NKAIN3: variants seen among roughly 807,000 people sequenced by gnomAD.
NKAIN3 encodes sodium/potassium transporting ATPase interacting 3.
Under a neutral mutation model 30.2 loss-of-function variants are expected in NKAIN3, and 25 were observed. That is an observed-to-expected ratio of 0.83 (90% confidence interval 0.60 to 1.16). The LOEUF (loss-of-function observed/expected upper bound fraction) is 1.16. NKAIN3 is among the 50% of genes most tolerant of loss of function. The pLI, the probability that NKAIN3 is intolerant of heterozygous loss-of-function variation, is 0.00. For synonymous variants in NKAIN3, 91 were observed against 89.6 expected (o/e 1.02, Z -0.09); for missense variants, 225 against 254.1 (o/e 0.89, Z 0.78).
intron 4 of NKAIN3, chr8:62,856,757 A>T: frequency 3.0e-6 from 2 of 674,152 alleles, no homozygotes; most frequent in Non-Finnish European, 5.4e-6. Flanking sequence ...TTTATTTTGC[A>T]CCTGGCTTAT....
At chr8:62,405,839 C>G (rs951801429) in intron 1 of NKAIN3, among the ~76,000 whole-genome samples, 1 of 152,126 alleles carries the variant, frequency 6.6e-6, no homozygotes, top group Non-Finnish European at 1.5e-5. Flanking sequence ...TGCTCTGCCT[C>G]GACATTCAAG....
intron 4 of NKAIN3, among the ~76,000 whole-genome samples, chr8:62,834,637 A>G (rs550583212): frequency 6.6e-6 from 1 of 152,200 alleles, no homozygotes; most frequent in South Asian, 2.1e-4. Flanking sequence ...AAGTGAAAAG[A>G]TCTCTACAAA....
rs866046959 is a variant in NKAIN3, at chr8:62,336,967, G to C, written c.54+87840G>C. On this transcript the variant is annotated intron_variant, in intron 1 of 6. Coordinates refer to ENST00000623646, the MANE Select transcript of NKAIN3 (RefSeq NM_001304533.3). ...GCTCAGTCTGCTAGTACCTGGTCTA[G>C]AGAACCCAAGAAGGCTAACACATTT... Among the ~76,000 whole-genome samples, 28 of 152,102 alleles carry C rather than the reference G, an allele frequency of 1.8e-4. 1 individual carries two copies. The highest frequency in any genetic ancestry group is 6.3e-3 in the Middle Eastern group (2 of 316).
intron 6 of NKAIN3, 60 bp downstream of exon 6, chr8:62,954,032 C>A: frequency 2.0e-6 from 1 of 493,522 alleles, no homozygotes; most frequent in Non-Finnish European, 2.6e-6. Flanking sequence ...CAAAACTAAC[C>A]AAAAGTGAAA....
At chr8:62,577,677 A>G (rs1810160200) in intron 1 of NKAIN3, among the ~76,000 whole-genome samples, 2 of 150,826 alleles carry the variant, frequency 1.3e-5, no homozygotes, top group East Asian at 2.0e-4. Context: ...CCTGGGGACT[A>G]ATTAGAGTCA....
At chr8:62,385,385 G>A (rs921814022) in intron 1 of NKAIN3, among the ~76,000 whole-genome samples, 4 of 152,006 alleles carry the variant, frequency 2.6e-5, no homozygotes, top group African/African-American at 7.3e-5. Context: ...ACTGAAACTC[G>A]GAGAAATGAT....
intron 1 of NKAIN3, among the ~76,000 whole-genome samples, chr8:62,256,454 A>G (rs1812265875): frequency 6.6e-6 from 1 of 152,110 alleles, no homozygotes; most frequent in South Asian, 2.1e-4. Flanking sequence ...AAGTAAATAA[A>G]GTTTTAGAAG....
chr8:62,345,388 TAC>T (rs1241886831), intron 1 of NKAIN3, among the ~76,000 whole-genome samples: 7 of 76,328 alleles, frequency 9.2e-5, no homozygotes, highest in African/African-American at 3.0e-4. Context: ...TATGTATATA[TAC>T]ACACATATAC....
In NKAIN3 at chr8:62,927,723, T is replaced by C. The variant is rs540264929; in HGVS notation, c.532+9210T>C. On this transcript the variant is annotated intron_variant, in intron 5 of 6. Transcript: ENST00000623646. ...CAACTTGTTCAAGCTGCTTTTGGAG[T>C]GATGAGCTGTCATTATGTCCTTAAA... Among the ~76,000 whole-genome samples the C allele has an allele frequency of 1.1e-3, 161 of 152,206 alleles. 1 individual carries two copies. The highest frequency in any genetic ancestry group is 3.6e-3 in the African/African-American group (149 of 41,520).
At chr8:62,648,293 C>A (rs988801604) in intron 3 of NKAIN3, among the ~76,000 whole-genome samples, 1 of 151,848 alleles carries the variant, frequency 6.6e-6, no homozygotes, top group African/African-American at 2.4e-5. Flanking sequence ...TTACAATTGG[C>A]GGTTGAATTT....
At chr8:62,627,263 T>C (rs1811820101) in intron 3 of NKAIN3, among the ~76,000 whole-genome samples, 1 of 152,164 alleles carries the variant, frequency 6.6e-6, no homozygotes, top group Admixed American at 6.6e-5. Flanking sequence ...TCTTTAAATG[T>C]CTTTTTAACA....
In NKAIN3 at chr8:62,983,753, T is replaced by A. The variant is rs1824140884; in HGVS notation, c.*18346T>A. 1 of 152,170 alleles carries A rather than the reference T, an allele frequency of 6.6e-6. No homozygotes were observed. The highest frequency in any genetic ancestry group is 6.5e-5 in the Admixed American group (1 of 15,270). 9.4% of individuals were successfully genotyped at this position (152,170 alleles called of 1,614,324 possible). On this transcript the variant is annotated 3_prime_UTR_variant, in exon 7 of 7. Transcript: ENST00000623646. Reference sequence around the variant, plus strand: ...CCTGACTAACATTTCAGAACTGCGGTCACCCATTTTATACAAACCAAAGCA... The same window carrying A: ...CCTGACTAACATTTCAGAACTGCGGACACCCATTTTATACAAACCAAAGCA...
chr8:62,267,654 C>G (rs1685496760), intron 1 of NKAIN3, among the ~76,000 whole-genome samples: 1 of 152,266 alleles, frequency 6.6e-6, no homozygotes, highest in Middle Eastern at 3.4e-3. Flanking sequence ...TGATATACAC[C>G]TAACAGTTGT....
intron 3 of NKAIN3, among the ~76,000 whole-genome samples, chr8:62,740,543 A>C (rs1815830605): frequency 6.6e-6 from 1 of 152,140 alleles, no homozygotes; most frequent in Non-Finnish European, 1.5e-5. Flanking sequence ...CACATACCCA[A>C]AAAAAGGAGA....
At chr8:62,514,881 C>T (rs920921472) in intron 1 of NKAIN3, among the ~76,000 whole-genome samples, 5 of 152,098 alleles carry the variant, frequency 3.3e-5, no homozygotes, top group Admixed American at 1.3e-4. Context: ...ACAATTCCAC[C>T]TTGATCTCAC....
intron 3 of NKAIN3, among the ~76,000 whole-genome samples, chr8:62,597,625 A>T (rs916316819): frequency 3.3e-5 from 5 of 151,956 alleles, no homozygotes; most frequent in South Asian, 2.1e-4. Context: ...GCAAAAACAA[A>T]ATTTACTTAG....
intron 1 of NKAIN3, among the ~76,000 whole-genome samples, chr8:62,368,373 A>G (rs1345310935): frequency 1.3e-5 from 2 of 152,214 alleles, no homozygotes; most frequent in African/African-American, 2.4e-5. Context: ...TAGACAGAAT[A>G]GAGGGCCAAG....
chr8:62,533,691 C>CT (rs1808558104), intron 1 of NKAIN3, among the ~76,000 whole-genome samples: 1 of 152,126 alleles, frequency 6.6e-6, no homozygotes, highest in African/African-American at 2.4e-5. Context: ...TTCCTTGAAT[C>CT]TTTAGTCGTT....
intron 1 of NKAIN3, among the ~76,000 whole-genome samples, chr8:62,527,778 G>A (rs1057094495): frequency 1.3e-5 from 2 of 151,990 alleles, no homozygotes; most frequent in Non-Finnish European, 2.9e-5. Flanking sequence ...TTTCAGAAAT[G>A]TCAAGAGTGA....
Sources: allele counts gnomAD v4.1 joint callset (sites outside exome capture counted in the v4.1 genomes callset), GRCh38; gene constraint gnomAD v4.1.1; transcripts MANE v1.5; gene names NCBI Gene and HGNC (gene_info 2026-07-23, HGNC 2026-07-21).